The following SASH1 variants were observed in gnomAD, a reference collection of about 807,000 sequenced individuals.
SASH1 encodes the protein SAM and SH3 domain-containing protein 1.
A neutral mutation model predicts 125.2 loss-of-function variants in SASH1; 44 were observed. The observed-to-expected ratio is 0.35, with a 90% CI of 0.28 to 0.45. The LOEUF (loss-of-function observed/expected upper bound fraction) is 0.45. Ranked by LOEUF, SASH1 falls within the 20% of genes least tolerant of loss-of-function variation. The pLI is 1.00. For synonymous variants in SASH1, 639 were observed against 649.1 expected (o/e 0.98, Z 0.24); for missense variants, 1,426 against 1,614.5 (o/e 0.88, Z 2.00).
intron 12 of SASH1, 72 bp from the exon 13 acceptor site, chr6:148,531,454 A>G (rs1382609838): frequency 3.0e-6 from 4 of 1,334,070 alleles, no homozygotes; most frequent in South Asian, 2.0e-5. Context: ...TTGAAGGCCA[A>G]GTCGCTGAGA....
At chr6:148,477,750 T>G (rs937177415) in intron 7 of SASH1, among the ~76,000 whole-genome samples, 4 of 126,572 alleles carry the variant, frequency 3.2e-5, no homozygotes, top group African/African-American at 1.3e-4. Flanking sequence ...CAGGTTGGAG[T>G]GCAATGGTGC....
the SASH1 span, among the ~76,000 whole-genome samples, chr6:148,206,815 A>ACACC: frequency 2.0e-5 from 3 of 151,766 alleles, no homozygotes; most frequent in African/African-American, 7.3e-5. Flanking sequence ...ACACACACAC[A>ACACC]CACACACACA....
chr6:148,317,929 T>A (rs1191817638), intron 1 of SASH1, among the ~76,000 whole-genome samples: 2 of 152,232 alleles, frequency 1.3e-5, no homozygotes, highest in African/African-American at 4.8e-5. Flanking sequence ...GGTTGTGTTT[T>A]CTGAAACTGT....
At chr6:148,336,467 C>T (rs905930921) in intron 1 of SASH1, among the ~76,000 whole-genome samples, 1 of 152,102 alleles carries the variant, frequency 6.6e-6, no homozygotes, top group African/African-American at 2.4e-5. Flanking sequence ...CGTGAGCCAC[C>T]ATGCCCGGCC....
rs756735872 is a variant in SASH1 at position 148,544,348 on chromosome 6, A to G, written c.2878A>G (p.Thr960Ala). The G allele has an allele frequency of 1.1e-5, 18 of 1,614,030 alleles. No homozygotes were observed. Among genetic ancestry groups the G allele is most frequent in the Non-Finnish European group, 1.5e-5 (18 of 1,180,034 alleles). Residue 960 changes from threonine (T) to alanine (A), a missense_variant, in exon 18 of 20, where the codon ACA (threonine) becomes GCA (alanine). This residue lies in a region of SASH1 where 634 missense variants were observed against 694.4 expected (regional missense o/e 0.91). Coordinates refer to ENST00000367467, the MANE Select transcript of SASH1 (RefSeq NM_015278.5). This position sits in a 1 kb window ranked among gnomAD's most constrained non-coding sequence, Gnocchi z 6.4. ...CAGAAAAGGACACGAGTTTGAAGGA[A>G]CACACCATCCCCTGGGCACCAAAGA... is the stretch of plus-strand genomic sequence containing the variant. ...GHRKGHEFEGTHHPLGTKEGV... is the reference protein window; with the variant it reads ...GHRKGHEFEGAHHPLGTKEGV...
chr6:148,266,665 A>G, the SASH1 span, among the ~76,000 whole-genome samples: 7 of 152,252 alleles, frequency 4.6e-5, no homozygotes, highest in South Asian at 8.3e-4. Context: ...CAGTGGCATA[A>G]TCATGGCTCA....
intron 1 of SASH1, among the ~76,000 whole-genome samples, chr6:148,347,859 C>A (rs570962371): frequency 6.6e-6 from 1 of 152,302 alleles, no homozygotes; most frequent in Non-Finnish European, 1.5e-5. Context: ...GCACCCTCAA[C>A]TCTCATTTAG....
intron 1 of SASH1, among the ~76,000 whole-genome samples, chr6:148,350,218 G>C (rs541404151): frequency 6.6e-6 from 1 of 152,276 alleles, no homozygotes; most frequent in South Asian, 2.1e-4. Context: ...GCTTTGGGAG[G>C]CCAAGGCTGG....
At chr6:148,236,859 G>A in the SASH1 span, among the ~76,000 whole-genome samples, 3 of 152,190 alleles carry the variant, frequency 2.0e-5, no homozygotes, top group African/African-American at 7.2e-5. Context: ...GGGCCTCATG[G>A]GAGGTGTTTA....
chr6:148,502,241 T>C (rs958700714), intron 8 of SASH1, among the ~76,000 whole-genome samples: 4 of 152,168 alleles, frequency 2.6e-5, no homozygotes, highest in African/African-American at 9.7e-5. Flanking sequence ...TCTTTTTTTT[T>C]CCATATGCTA....
At chr6:148,484,530 G>T (rs1313157668) in intron 7 of SASH1, among the ~76,000 whole-genome samples, 2 of 149,924 alleles carry the variant, frequency 1.3e-5, no homozygotes, top group African/African-American at 4.9e-5. Context: ...AATTATCCAT[G>T]TAATAACCTG....
intron 7 of SASH1, among the ~76,000 whole-genome samples, chr6:148,485,131 A>G (rs543000785): frequency 2.6e-5 from 4 of 152,296 alleles, no homozygotes; most frequent in African/African-American, 9.6e-5. Context: ...CTTAAAGCTG[A>G]AAGTTATTTA....
At chr6:148,369,193 A>G (rs996921899) in intron 1 of SASH1, among the ~76,000 whole-genome samples, 2 of 152,320 alleles carry the variant, frequency 1.3e-5, no homozygotes, top group African/African-American at 4.8e-5. Context: ...CCAGGAATGC[A>G]GCACAGAGGG....
chr6:148,220,955 CA>C, the SASH1 span, among the ~76,000 whole-genome samples: 1 of 152,148 alleles, frequency 6.6e-6, no homozygotes, highest in Non-Finnish European at 1.5e-5. Context: ...CCATATCTAA[CA>C]AATGATTTCT....
chr6:148,513,820 T>G, intron 8 of SASH1: 2 of 986,226 alleles, frequency 2.0e-6, no homozygotes, highest in Non-Finnish European at 2.4e-6. Flanking sequence ...AGAGGCTGTT[T>G]GCATCTCTTT....
At chr6:148,366,291 C>G (rs1359840793) in intron 1 of SASH1, among the ~76,000 whole-genome samples, 1 of 151,714 alleles carries the variant, frequency 6.6e-6, no homozygotes, top group African/African-American at 2.4e-5. Context: ...CTCAAAAACA[C>G]AAACCAAAAA....
chr6:148,254,527 A>G, the SASH1 span, among the ~76,000 whole-genome samples: 1 of 152,228 alleles, frequency 6.6e-6, no homozygotes, highest in Non-Finnish European at 1.5e-5. Flanking sequence ...CCATTAAAAA[A>G]TAAGCCAAAG....
In SASH1 at chr6:148,534,044, G is replaced by A. The variant is rs190487609; in HGVS notation, c.1944+64G>A. Reference sequence around the variant, plus strand: ...ACTGCCTTTTTCTCTCCTACACTAAGCAAGTGAGGGCATTTTTAGGGTAGG... The same window carrying A: ...ACTGCCTTTTTCTCTCCTACACTAAACAAGTGAGGGCATTTTTAGGGTAGG... On this transcript the variant is annotated intron_variant, in intron 15 of 19. Transcript: ENST00000367467. 99 of 1,451,888 alleles carry A rather than the reference G, an allele frequency of 6.8e-5. No homozygotes were observed. The African/African-American group carries it at 9.9e-4, about 15-fold the overall frequency. The allele number at this position is 1,451,888 out of a possible 1,614,324, so 89.9% of individuals were successfully genotyped here. A position where few individuals can be genotyped will look rare whatever the true frequency, so the allele number is the denominator to read the frequency against.
At chr6:148,521,438 G>A (rs895832236) in intron 10 of SASH1, among the ~76,000 whole-genome samples, 1 of 152,158 alleles carries the variant, frequency 6.6e-6, no homozygotes, top group Non-Finnish European at 1.5e-5. Flanking sequence ...AAGTGAAGAC[G>A]GATTGGTCAA....
Sources: allele counts gnomAD v4.1 joint callset (sites outside exome capture counted in the v4.1 genomes callset), GRCh38; gene constraint gnomAD v4.1.1; regional missense constraint gnomAD v4.1.1; non-coding constraint Gnocchi (gnomAD v3.1); transcripts MANE v1.5; gene names NCBI Gene and HGNC (gene_info 2026-07-23, HGNC 2026-07-21).